SV2C: variants seen among roughly 807,000 people sequenced by gnomAD.
SV2C encodes the protein solute carrier family 22 member B3.
A neutral mutation model predicts 79.7 loss-of-function variants in SV2C; 49 were observed. The observed-to-expected ratio is 0.61, with a 90% CI of 0.49 to 0.78. The LOEUF is 0.78. Ranked by LOEUF, SV2C falls within the 30% of genes least tolerant of loss-of-function variation. SV2C has a pLI of 0.00. For missense variants in SV2C, 833 were observed against 912.9 expected (o/e 0.91, Z 1.13); for synonymous variants, 334 against 333.2 (o/e 1.00, Z -0.03).
At chr5:76,061,924 T>C in the SV2C span, among the ~76,000 whole-genome samples, 1 of 149,726 alleles carries the variant, frequency 6.7e-6, no homozygotes, top group Non-Finnish European at 1.5e-5. Flanking sequence ...ATACAATATT[T>C]TCTTTACAGA....
At chr5:76,025,507 T>C in the SV2C span, among the ~76,000 whole-genome samples, 1 of 152,184 alleles carries the variant, frequency 6.6e-6, no homozygotes, top group Non-Finnish European at 1.5e-5. Context: ...ATCACTACCC[T>C]TTAAGAGAGT....
At chr5:76,081,016 G>A (rs992301888), upstream of SV2C, among the ~76,000 whole-genome samples, 1 of 152,118 alleles carries the variant, frequency 6.6e-6, no homozygotes, top group African/African-American at 2.4e-5. Context: ...AAGACACAAC[G>A]TTAAAATAGC....
At chr5:76,353,863 T>C (rs1236798983) in exon 13 of SV2C, 1 of 152,238 alleles carries the variant, frequency 6.6e-6, no homozygotes, top group Non-Finnish European at 1.5e-5. Context: ...TAATATGTAC[T>C]TCTTTGCTTT....
intron 12 of SV2C, among the ~76,000 whole-genome samples, chr5:76,322,450 G>A (rs746041083): frequency 6.6e-6 from 1 of 152,030 alleles, no homozygotes; most frequent in Non-Finnish European, 1.5e-5. Flanking sequence ...TAGTGAAAGT[G>A]GCCATACTGC....
the SV2C span, among the ~76,000 whole-genome samples, chr5:76,048,342 G>T: frequency 6.6e-6 from 1 of 152,174 alleles, no homozygotes; most frequent in Non-Finnish European, 1.5e-5. Context: ...CAAACGAAGA[G>T]AATGAATTTG....
the SV2C span, among the ~76,000 whole-genome samples, chr5:75,985,633 C>T: frequency 2.0e-5 from 3 of 151,746 alleles, no homozygotes; most frequent in Non-Finnish European, 4.4e-5. Flanking sequence ...AGACTAGAGT[C>T]CATTCCAGGG....
At chr5:75,931,345 T>C in the SV2C span, among the ~76,000 whole-genome samples, 1 of 152,226 alleles carries the variant, frequency 6.6e-6, no homozygotes, top group African/African-American at 2.4e-5. Context: ...TATGTGGTCA[T>C]AAGTCAATCA....
At chr5:76,085,399 A>G (rs1747153343) in intron 1 of SV2C, among the ~76,000 whole-genome samples, 1 of 152,108 alleles carries the variant, frequency 6.6e-6, no homozygotes, top group Non-Finnish European at 1.5e-5. Context: ...GAAAATAATA[A>G]ATCAAATCCA....
chr5:76,158,880 A>G (rs1362155559), intron 2 of SV2C, among the ~76,000 whole-genome samples: 2 of 152,056 alleles, frequency 1.3e-5, no homozygotes, highest in East Asian at 3.8e-4. Context: ...TTTATTATGC[A>G]TGGAAAAAAT....
At chr5:76,007,489 T>C in the SV2C span, among the ~76,000 whole-genome samples, 11,524 of 152,118 alleles carry the variant, frequency 0.076, 1,069 homozygotes, top group African/African-American at 0.22. Context: ...GGCTCTGGCA[T>C]ATCATGGGTA....
At chr5:75,960,268 G>A in the SV2C span, among the ~76,000 whole-genome samples, 17,878 of 151,934 alleles carry the variant, frequency 0.12, 3,045 homozygotes, top group African/African-American at 0.38. Flanking sequence ...GCCTGACACT[G>A]TCTGTTGCTC....
chr5:76,059,641 G>A, the SV2C span, among the ~76,000 whole-genome samples: 117 of 152,006 alleles, frequency 7.7e-4, no homozygotes, highest in African/African-American at 2.5e-3. Context: ...TTCCTCCATT[G>A]AAGTCTCGAA....
At chr5:75,896,129 T>C in the SV2C span, among the ~76,000 whole-genome samples, 2 of 152,090 alleles carry the variant, frequency 1.3e-5, no homozygotes, top group South Asian at 2.1e-4. Flanking sequence ...TTGTTACATA[T>C]GTATACATGT....
At chr5:75,966,528 G>A in the SV2C span, among the ~76,000 whole-genome samples, 3 of 152,148 alleles carry the variant, frequency 2.0e-5, no homozygotes, top group African/African-American at 7.2e-5. Context: ...TCCCACCAGT[G>A]CCATGACAGT....
chr5:76,201,887 A>G (rs950261674), intron 3 of SV2C, among the ~76,000 whole-genome samples: 35 of 152,018 alleles, frequency 2.3e-4, no homozygotes, highest in East Asian at 1.6e-3. Flanking sequence ...GCGTGGTGGC[A>G]GGCGCCTGTA....
chr5:75,872,997 AG>A, the SV2C span, among the ~76,000 whole-genome samples: 1 of 152,156 alleles, frequency 6.6e-6, no homozygotes, highest in Non-Finnish European at 1.5e-5. Flanking sequence ...TAACATCTCT[AG>A]GTAACGCCTT....
chr5:75,927,168 G>T, the SV2C span, among the ~76,000 whole-genome samples: 8,598 of 152,078 alleles, frequency 0.057, 685 homozygotes, highest in African/African-American at 0.18. Context: ...GCTGGAAGGG[G>T]CTATGGTTTA....
chr5:76,158,440 A>T (rs1186559982), intron 2 of SV2C, among the ~76,000 whole-genome samples: 1 of 151,814 alleles, frequency 6.6e-6, no homozygotes, highest in African/African-American at 2.4e-5. Context: ...AAAAAAAGTT[A>T]CCAAAGGTAA....
intron 5 of SV2C, 92 bp from the exon 6 acceptor site, chr5:76,285,689 C>T: frequency 9.8e-7 from 1 of 1,018,004 alleles, no homozygotes; most frequent in Non-Finnish European, 1.5e-6. Flanking sequence ...AATTACACCT[C>T]ATTTGATCTG....
Sources: gnomAD v4.1 joint callset for allele counts (sites outside exome capture counted in the v4.1 genomes callset) on GRCh38, gnomAD v4.1.1 for gene constraint, MANE v1.5 for transcripts, NCBI Gene and HGNC (gene_info 2026-07-23, HGNC 2026-07-21) for gene names.